Variants in VSTM4 observed in about 807,000 individuals in gnomAD.
The protein encoded by VSTM4 is V-set and transmembrane domain containing 4, also known as V-set and transmembrane domain-containing protein 4.
Under a neutral mutation model 36.4 loss-of-function variants are expected in VSTM4, and 20 were observed. The observed-to-expected ratio is 0.55, with a 90% CI of 0.39 to 0.80. The LOEUF (loss-of-function observed/expected upper bound fraction) is 0.80, where lower values mean the gene tolerates loss of function less well. VSTM4 is among the 30% of genes least tolerant of loss of function. VSTM4 has a pLI of 0.00. For synonymous variants in VSTM4, 182 were observed against 173.9 expected, an observed-to-expected ratio of 1.05 and a Z score of -0.37; for missense variants, 392 against 404.5, an observed-to-expected ratio of 0.97 and a Z score of 0.26.
chr10:49,056,965 C>CG, intron 5 of VSTM4, among the ~76,000 whole-genome samples: 1 of 151,946 alleles, frequency 6.6e-6, no homozygotes, highest in South Asian at 2.1e-4. Flanking sequence ...CCAGTCATGG[C>CG]GGAAGGTAAA....
At chr10:49,101,695 A>C (rs1844668975) in intron 2 of VSTM4, among the ~76,000 whole-genome samples, 1 of 152,220 alleles carries the variant, frequency 6.6e-6, no homozygotes, top group African/African-American at 2.4e-5. Context: ...GGCATTGTCT[A>C]CAAAAATTTT....
intron 7 of VSTM4, among the ~76,000 whole-genome samples, chr10:49,031,654 T>A (rs1326383849): frequency 1.3e-5 from 2 of 152,156 alleles, no homozygotes; most frequent in African/African-American, 4.8e-5. Flanking sequence ...GGAAAGACAA[T>A]CCTTCTAAAT....
chr10:49,103,476 T>G lies in VSTM4; in HGVS notation c.457+4118A>C, dbSNP rs1053558315. ...TTTTCTTCTTTAAACCCTTTCAGTATTTTTCCATGTTTTCTATAATTGAAC... is the reference window on the plus strand; with the variant it reads ...TTTTCTTCTTTAAACCCTTTCAGTAGTTTTCCATGTTTTCTATAATTGAAC... On this transcript the variant is annotated intron_variant, in intron 2 of 7. Transcript: ENST00000332853. 7 of 1,070,386 alleles carry G rather than the reference T, an allele frequency of 6.5e-6. No homozygotes were observed. In the African/African-American group the frequency reaches 1.2e-4, roughly 18 times the overall value. 66.3% of individuals were successfully genotyped at this position (1,070,386 alleles called of 1,614,324 possible).
chr10:49,077,054 A>G (rs1383195206), intron 4 of VSTM4, among the ~76,000 whole-genome samples, 165 bp downstream of exon 4: 3 of 152,232 alleles, frequency 2.0e-5, no homozygotes, highest in Non-Finnish European at 4.4e-5. Context: ...ATTTTAGCAG[A>G]GTCCAAGGGA....
At chr10:49,064,585 G>T in intron 5 of VSTM4, 118 bp downstream of exon 5, 1 of 1,205,838 alleles carries the variant, frequency 8.3e-7, no homozygotes, top group Non-Finnish European at 1.2e-6. Context: ...AGGCATATTT[G>T]TGGACAAATA....
chr10:49,050,448 T>C (rs1281372328), intron 5 of VSTM4, among the ~76,000 whole-genome samples: 2 of 152,334 alleles, frequency 1.3e-5, no homozygotes, highest in East Asian at 1.9e-4. Context: ...CCTAGATATA[T>C]AAAAATAAGT....
intron 2 of VSTM4, among the ~76,000 whole-genome samples, chr10:49,092,114 C>T (rs1304445065): frequency 1.3e-5 from 2 of 152,178 alleles, no homozygotes; most frequent in African/African-American, 2.4e-5. Flanking sequence ...CAGATCTTGT[C>T]CTTAGCAGGT....
chr10:49,020,743 G>A lies in VSTM4; in HGVS notation c.838-968C>T, dbSNP rs537151455. Among the ~76,000 whole-genome samples, 1,233 of 134,716 alleles carry A rather than the reference G, an allele frequency of 9.2e-3. 18 individuals carry two copies. The highest frequency in any genetic ancestry group is 0.032 in the African/African-American group (1,163 of 36,834). The allele number at this position is 134,716 out of a possible 152,430, so 88.4% of individuals were successfully genotyped here. A position where few individuals can be genotyped will look rare whatever the true frequency, so the allele number is the denominator to read the frequency against. ...AAGGAAAGAAGAAGGAAGGAAGGAAGGAAGGAAGGGAGGGAGGGAGGGAGG... is the reference window on the plus strand; with the variant it reads ...AAGGAAAGAAGAAGGAAGGAAGGAAAGAAGGAAGGGAGGGAGGGAGGGAGG... On this transcript the variant is annotated intron_variant, in intron 7 of 7. Coordinates refer to ENST00000332853, the MANE Select transcript of VSTM4 (RefSeq NM_001031746.5).
intron 3 of VSTM4, among the ~76,000 whole-genome samples, chr10:49,079,845 AACT>A (rs200357591): frequency 0.011 from 1,729 of 152,326 alleles, 22 homozygotes; most frequent in African/African-American, 0.039. Context: ...ACCCTGAGAT[AACT>A]ACTATTAATA....
At chr10:49,037,531 C>A (rs76031600) in intron 7 of VSTM4, among the ~76,000 whole-genome samples, 5,002 of 152,270 alleles carry the variant, frequency 0.033, 272 homozygotes, top group African/African-American at 0.11. Context: ...GCCAAAGGGG[C>A]GCTCTAGTGA....
chr10:49,034,689 T>A (rs1843400950), intron 7 of VSTM4, among the ~76,000 whole-genome samples: 1 of 152,194 alleles, frequency 6.6e-6, no homozygotes, highest in South Asian at 2.1e-4. Flanking sequence ...GTTACAGATA[T>A]GTTGATGATG....
intron 1 of VSTM4, among the ~76,000 whole-genome samples, chr10:49,110,927 C>G (rs1844882214): frequency 6.6e-6 from 1 of 152,232 alleles, no homozygotes; most frequent in South Asian, 2.1e-4. Context: ...CATTCCAGCC[C>G]TCTACCTGCA....
At chr10:49,094,384 CTTCTTAAACAGAAGATGA>C (rs1281865977) in intron 2 of VSTM4, among the ~76,000 whole-genome samples, 5 of 152,138 alleles carry the variant, frequency 3.3e-5, no homozygotes, top group Non-Finnish European at 7.4e-5. Context: ...GAAGGTGATT[CTTCTTAAACAGAAGATGA>C]TTCTTAAGTT....
intron 4 of VSTM4, among the ~76,000 whole-genome samples, chr10:49,070,423 AT>A (rs959197888): frequency 1.0e-4 from 15 of 149,862 alleles, no homozygotes; most frequent in Non-Finnish European, 1.5e-4. Flanking sequence ...AAAAAAAAAA[AT>A]GGTCAGATCA....
chr10:49,061,724 T>C (rs904539535), intron 5 of VSTM4, among the ~76,000 whole-genome samples: 1 of 152,200 alleles, frequency 6.6e-6, no homozygotes, highest in Non-Finnish European at 1.5e-5. Context: ...TTGTGTGTTA[T>C]ATCTTTTTCC....
At position 49,040,499 on chromosome 10, in the gene VSTM4, G is replaced by A. The variant is rs540024837; in HGVS notation, c.837+6484C>T. Among the ~76,000 whole-genome samples, 5 of 152,032 alleles carry A rather than the reference G, an allele frequency of 3.3e-5. No homozygotes were observed. In the South Asian group the frequency reaches 8.3e-4, roughly 25 times the overall value. ...CGAGGTTTCACGATATTGGCCGGGC[G>A]AGTCTCAAACTCCTGACTTCAGGTG... On this transcript the variant is annotated intron_variant, in intron 7 of 7. Transcript: ENST00000332853.
At chr10:49,019,868 AT>A in intron 7 of VSTM4, 93 bp from the exon 8 acceptor site, 2 of 1,477,232 alleles carry the variant, frequency 1.4e-6, no homozygotes, top group Non-Finnish European at 1.8e-6. Flanking sequence ...TGTTCATAGC[AT>A]TTTGGGATTC....
At chr10:49,051,843 T>C (rs749775438) in intron 5 of VSTM4, among the ~76,000 whole-genome samples, 3 of 152,260 alleles carry the variant, frequency 2.0e-5, no homozygotes, top group Admixed American at 6.5e-5. Context: ...TGTGCAGTTT[T>C]TTTGTGTGTA....
intron 5 of VSTM4, among the ~76,000 whole-genome samples, chr10:49,057,893 T>C (rs1268468140): frequency 6.6e-6 from 1 of 152,180 alleles, no homozygotes. Flanking sequence ...TGGTGTTCTT[T>C]GAGACTGAGG....
Sources: allele counts gnomAD v4.1 joint callset (sites outside exome capture counted in the v4.1 genomes callset), GRCh38; gene constraint gnomAD v4.1.1; transcripts MANE v1.5; gene names NCBI Gene and HGNC (gene_info 2026-07-23, HGNC 2026-07-21).